The following PSMB2 variants were observed in gnomAD, a reference collection of about 807,000 sequenced individuals.
PSMB2 encodes proteasome subunit beta type-2.
In PSMB2, 13 loss-of-function variants were observed where a neutral mutation model predicts 25.7. The observed-to-expected ratio is 0.51, with a 90% CI of 0.33 to 0.80. PSMB2 has a LOEUF of 0.80. Ranked by LOEUF, PSMB2 falls within the 30% of genes least tolerant of loss-of-function variation. PSMB2 has a pLI of 0.02. For missense variants in PSMB2, 202 were observed against 259.0 expected, an observed-to-expected ratio of 0.78 and a Z score of 1.51; for synonymous variants, 87 against 96.2, an observed-to-expected ratio of 0.90 and a Z score of 0.56.
chr1:35,615,187 A>T (rs1650457698), intron 3 of PSMB2, among the ~76,000 whole-genome samples: 1 of 152,230 alleles, frequency 6.6e-6, no homozygotes, highest in African/African-American at 2.4e-5. Context: ...AGCCAATAAA[A>T]TTGTCCAACT....
intron 3 of PSMB2, among the ~76,000 whole-genome samples, chr1:35,623,911 C>T (rs1180942365): frequency 1.3e-5 from 2 of 152,220 alleles, no homozygotes; most frequent in African/African-American, 4.8e-5. Flanking sequence ...CATCTGTTCA[C>T]AGGACCTCAC....
In PSMB2 at chr1:35,599,900, A is replaced by C; in HGVS notation, c.*3367T>G. 2 of 934,186 alleles carry C rather than the reference A, an allele frequency of 2.1e-6. No individual in the cohort carries two copies. The highest frequency in any genetic ancestry group is 2.6e-6 in the Non-Finnish European group (2 of 783,302). 57.9% of individuals were successfully genotyped at this position (934,186 alleles called of 1,614,324 possible). On this transcript the variant is annotated 3_prime_UTR_variant, in exon 6 of 6. Transcript: ENST00000373237. The stretch of plus-strand genomic sequence containing the variant: ...GTAATCCCAGTGCTTTGGCAGACCA[A>C]GGTGGGAGGATCACTTGAGGCCAAG...
At chr1:35,606,474 AG>A (rs1650173288) in intron 4 of PSMB2, among the ~76,000 whole-genome samples, 1 of 152,232 alleles carries the variant, frequency 6.6e-6, no homozygotes. Flanking sequence ...TAAAATACCT[AG>A]GAATAAATTT....
Position 35,600,364 on chromosome 1 carries a change from C to A in PSMB2, c.*2903G>T. 1.2e-6 allele frequency: 1 copy of A among 835,028 alleles called. No individual in the cohort carries two copies. The highest frequency in any genetic ancestry group is 1.4e-6 in the Non-Finnish European group (1 of 693,168). 51.7% of individuals were successfully genotyped at this position (835,028 alleles called of 1,614,324 possible). On this transcript the variant is annotated 3_prime_UTR_variant, in exon 6 of 6. Coordinates refer to ENST00000373237, the MANE Select transcript of PSMB2 (RefSeq NM_002794.5). ...CTGGAGCTTAGTAATACTAATACAC[C>A]AACCAATGTTGGTTTCTCAGTTTTG...
chr1:35,608,346 C>G (rs1344097307), intron 4 of PSMB2, among the ~76,000 whole-genome samples: 2 of 148,114 alleles, frequency 1.4e-5, no homozygotes, highest in Non-Finnish European at 3.0e-5. Context: ...GCCTGGGCGA[C>G]AGAGGGAGAC....
chr1:35,628,647 T>TTTTTTTTTTTTTTTTC (rs1650991089), intron 3 of PSMB2, among the ~76,000 whole-genome samples: 2 of 99,950 alleles, frequency 2.0e-5, no homozygotes, highest in African/African-American at 6.9e-5. Context: ...TTTTTTTTTT[T>TTTTTTTTTTTTTTTTC]TAAAGAAAAG....
intron 3 of PSMB2, among the ~76,000 whole-genome samples, chr1:35,612,564 T>C (rs1347823928): frequency 1.3e-5 from 2 of 152,192 alleles, no homozygotes; most frequent in African/African-American, 2.4e-5. Context: ...CTGGCAGACA[T>C]AGAATACCTT....
intron 3 of PSMB2, 68 bp from the exon 4 acceptor site, chr1:35,609,476 G>C (rs58604373): frequency 6.2e-6 from 8 of 1,290,218 alleles, no homozygotes; most frequent in African/African-American, 3.1e-5. Flanking sequence ...CATGGCAAAT[G>C]AGAATATTCT....
At chr1:35,628,596 A>AAAAAAAAAAATAT (rs59538661) in intron 3 of PSMB2, among the ~76,000 whole-genome samples, 4 of 25,098 alleles carry the variant, frequency 1.6e-4, no homozygotes, top group Non-Finnish European at 3.0e-4. Context: ...AAAAAAAAAA[A>AAAAAAAAAAATAT]ATATATATAT....
chr1:35,624,072 C>T (rs954490558), intron 3 of PSMB2, among the ~76,000 whole-genome samples: 8 of 152,188 alleles, frequency 5.3e-5, no homozygotes, highest in Non-Finnish European at 1.2e-4. Context: ...ACCAAACAGC[C>T]TTGAATTAAG....
chr1:35,617,839 T>A (rs867344488), intron 3 of PSMB2, among the ~76,000 whole-genome samples: 5 of 152,266 alleles, frequency 3.3e-5, no homozygotes, highest in South Asian at 4.1e-4. Flanking sequence ...ATATTTACAT[T>A]AGTATGTAAA....
chr1:35,620,166 TAATA>T (rs1650637585), intron 3 of PSMB2, among the ~76,000 whole-genome samples: 1 of 152,256 alleles, frequency 6.6e-6, no homozygotes, highest in African/African-American at 2.4e-5. Flanking sequence ...CTCTCTGAGC[TAATA>T]AATAAGATGG....
chr1:35,617,687 T>C (rs1650537435), intron 3 of PSMB2, among the ~76,000 whole-genome samples: 1 of 152,134 alleles, frequency 6.6e-6, no homozygotes, highest in Admixed American at 6.5e-5. Context: ...GAGGAAACAG[T>C]ATACGTGAAG....
At chr1:35,637,978 T>C (rs1427239625) in intron 1 of PSMB2, among the ~76,000 whole-genome samples, 2 of 152,204 alleles carry the variant, frequency 1.3e-5, no homozygotes, top group Non-Finnish European at 2.9e-5. Context: ...CTAAAACTTC[T>C]ATACTTAACA....
At position 35,601,191 on chromosome 1, in the gene PSMB2, C is replaced by A; in HGVS notation, c.*2076G>T. 1.6e-6 allele frequency: 1 copy of A among 638,690 alleles called. No homozygotes were observed. The highest frequency in any genetic ancestry group is 1.9e-6 in the Non-Finnish European group (1 of 514,684). The allele number at this position is 638,690 out of a possible 1,614,324, so 39.6% of individuals were successfully genotyped here. On this transcript the variant is annotated 3_prime_UTR_variant, in exon 6 of 6. Coordinates refer to ENST00000373237, the MANE Select transcript of PSMB2 (RefSeq NM_002794.5). ...AAGCAATTCTCCTGCCTCAGCCTCC[C>A]AAGTAGTTGGGTTTACAGGCGTGTG...
intron 1 of PSMB2, among the ~76,000 whole-genome samples, chr1:35,639,355 G>A (rs1285249861): frequency 1.3e-5 from 2 of 152,300 alleles, no homozygotes; most frequent in Non-Finnish European, 2.9e-5. Flanking sequence ...AAATTGGAAT[G>A]TGCAGAGTGC....
At position 35,609,248 on chromosome 1, in the gene PSMB2, G is replaced by A. The variant is rs780355611; in HGVS notation, c.446C>T (p.Pro149Leu). The change falls in exon 4 of 6, where the codon CCG becomes CTG. Residue 149 changes from proline (P) to leucine (L), a missense_variant and splice_region_variant. Coordinates refer to ENST00000373237, the MANE Select transcript of PSMB2 (RefSeq NM_002794.5). ...TLSILDRYYT[P>L]TISRERAVEL... ...CTCCCTAGAGTATTAATACTTACTCGGTGTGTAGTATCGGTCGAGGATACT... is the reference window on the plus strand; with the variant it reads ...CTCCCTAGAGTATTAATACTTACTCAGTGTGTAGTATCGGTCGAGGATACT... 19 of 1,593,442 alleles carry A rather than the reference G, an allele frequency of 1.2e-5. No individual in the cohort carries two copies. The highest frequency in any genetic ancestry group is 5.2e-5 in the Admixed American group (3 of 57,520).
intron 3 of PSMB2, among the ~76,000 whole-genome samples, chr1:35,622,652 C>T (rs552817493): frequency 1.1e-4 from 16 of 151,790 alleles, no homozygotes; most frequent in Admixed American, 2.6e-4. Context: ...TCTCTGGGCT[C>T]GCAGCAGGCA....
intron 3 of PSMB2, among the ~76,000 whole-genome samples, chr1:35,619,463 C>T (rs1650611308): frequency 6.6e-6 from 1 of 152,136 alleles, no homozygotes; most frequent in Admixed American, 6.6e-5. Context: ...GTCTTGAGTG[C>T]CCCATCTGTA....
Sources: allele counts gnomAD v4.1 joint callset (sites outside exome capture counted in the v4.1 genomes callset), GRCh38; gene constraint gnomAD v4.1.1; transcripts MANE v1.5; gene names NCBI Gene and HGNC (gene_info 2026-07-23, HGNC 2026-07-21).